The following ABCC2 variants were observed in gnomAD, a reference collection of about 807,000 sequenced individuals.
ABCC2 encodes the protein ATP-binding cassette sub-family C member 2.
Under a neutral mutation model 173.4 loss-of-function variants are expected in ABCC2, and 157 were observed. The observed-to-expected ratio is 0.91, with a 90% CI of 0.80 to 1.03. ABCC2 has a LOEUF of 1.03. ABCC2 is among the 50% of genes least tolerant of loss of function. ABCC2 has a pLI of 0.00. For missense variants in ABCC2, 1,822 were observed against 1,852.3 expected, an observed-to-expected ratio of 0.98 and a Z score of 0.30; for synonymous variants, 657 against 693.5, an observed-to-expected ratio of 0.95 and a Z score of 0.83.
chr10:99,799,453 T>A, intron 8 of ABCC2, 83 bp downstream of exon 8: 1 of 1,485,884 alleles, frequency 6.7e-7, no homozygotes, highest in Non-Finnish European at 9.3e-7. Flanking sequence ...AGCAGGAGCT[T>A]TTCTTAAATT....
At position 99,851,820 on chromosome 10, in the gene ABCC2, G is replaced by T. The variant is rs1236636863; in HGVS notation, c.*189G>T. Reference sequence around the variant, plus strand: ...TCACCAGGTACTTGAGAAACCCCTCGATTGTCTACCTCGATCGTACTTCCT... The same window carrying T: ...TCACCAGGTACTTGAGAAACCCCTCTATTGTCTACCTCGATCGTACTTCCT... On this transcript the variant is annotated 3_prime_UTR_variant, in exon 32 of 32. Transcript: ENST00000647814. The T allele has an allele frequency of 1.3e-5, 7 of 541,660 alleles. No individual in the cohort carries two copies. In the East Asian group the frequency reaches 1.3e-4, roughly 10 times the overall value. 33.6% of individuals were successfully genotyped at this position (541,660 alleles called of 1,614,324 possible). A position where few individuals can be genotyped will look rare whatever the true frequency, so the allele number is the denominator to read the frequency against.
At chr10:99,814,497 ATATGTGTGTG>A (rs2038330121) in intron 16 of ABCC2, among the ~76,000 whole-genome samples, 2 of 116,286 alleles carry the variant, frequency 1.7e-5, no homozygotes, top group African/African-American at 6.1e-5. Flanking sequence ...ACACAAACAT[ATATGTGTGTG>A]TATGTGTATA....
chr10:99,810,980 C>T (rs950920277), intron 14 of ABCC2, among the ~76,000 whole-genome samples: 9 of 151,452 alleles, frequency 5.9e-5, no homozygotes, highest in East Asian at 1.9e-4. Flanking sequence ...GCTGAGATTG[C>T]GCCATTGCAC....
intron 1 of ABCC2, among the ~76,000 whole-genome samples, chr10:99,783,825 T>C (rs1307092551): frequency 6.6e-6 from 1 of 152,158 alleles, no homozygotes; most frequent in Non-Finnish European, 1.5e-5. Context: ...AGGCCATCTC[T>C]TGAGAATTCT....
intron 6 of ABCC2, among the ~76,000 whole-genome samples, chr10:99,795,751 G>GA (rs1299825293): frequency 9.2e-6 from 1 of 108,906 alleles, no homozygotes; most frequent in Non-Finnish European, 1.9e-5. Context: ...AAGAAAGAAA[G>GA]AAAGAAAGAA....
Position 99,793,848 on chromosome 10 carries a change from T to C in ABCC2, c.469-44T>C, listed in dbSNP as rs772130569. 3.8e-6 allele frequency: 6 copies of C among 1,587,168 alleles called. No individual in the cohort carries two copies. In the Admixed American group the frequency reaches 6.7e-5, roughly 18 times the overall value. ...TATATACGGGCCATGTAGACTTCCT[T>C]TGGACAAAAGGCTCATTTTTCCTCT... On this transcript the variant is annotated intron_variant, in intron 4 of 31. Coordinates refer to ENST00000647814, the MANE Select transcript of ABCC2 (RefSeq NM_000392.5).
intron 16 of ABCC2, among the ~76,000 whole-genome samples, chr10:99,815,992 G>A (rs1287838117): frequency 3.4e-5 from 5 of 145,172 alleles, no homozygotes; most frequent in African/African-American, 1.0e-4. Flanking sequence ...TTTTTGAGAC[G>A]GAGTCTCAGT....
chr10:99,792,394 T>G, intron 3 of ABCC2, 35 bp downstream of exon 3: 1 of 1,611,746 alleles, frequency 6.2e-7, no homozygotes, highest in Non-Finnish European at 8.5e-7. Flanking sequence ...TGTTTACCTT[T>G]TCATTACCCA....
chr10:99,789,197 G>C (rs537517657), intron 2 of ABCC2: 1 of 152,088 alleles, frequency 6.6e-6, no homozygotes, highest in Non-Finnish European at 1.5e-5. Context: ...TTTTACTCTG[G>C]GACTAGTGGA....
chr10:99,815,000 G>T (rs2038381316), intron 16 of ABCC2, among the ~76,000 whole-genome samples: 2 of 150,784 alleles, frequency 1.3e-5, no homozygotes, highest in Non-Finnish European at 3.0e-5. Flanking sequence ...TAAGTTCCAG[G>T]ATACATTTGC....
At chr10:99,830,669 G>A (rs767053153) in intron 20 of ABCC2, 47 bp from the exon 21 acceptor site, 5 of 1,613,538 alleles carry the variant, frequency 3.1e-6, no homozygotes, top group East Asian at 4.5e-5. Flanking sequence ...CTTGCAAGAA[G>A]ACCCTTGGGA....
chr10:99,836,966 G>C (rs1401923437), intron 25 of ABCC2, among the ~76,000 whole-genome samples: 1 of 151,942 alleles, frequency 6.6e-6, no homozygotes, highest in East Asian at 1.9e-4. Flanking sequence ...AATGTGGACA[G>C]GTCAGGAGTT....
chr10:99,812,796 T>C (rs1014716419), intron 15 of ABCC2, among the ~76,000 whole-genome samples: 1 of 152,204 alleles, frequency 6.6e-6, no homozygotes, highest in Non-Finnish European at 1.5e-5. Context: ...TTGGATAAAT[T>C]AGGGCTCATT....
intron 16 of ABCC2, among the ~76,000 whole-genome samples, chr10:99,814,971 CT>C (rs201601175): frequency 4.7e-3 from 670 of 142,446 alleles, no homozygotes; most frequent in Middle Eastern, 0.011. Flanking sequence ...GCCCCACTAA[CT>C]TTTTTTTTTT....
At chr10:99,812,612 T>C (rs2038235468) in intron 15 of ABCC2, among the ~76,000 whole-genome samples, 1 of 152,182 alleles carries the variant, frequency 6.6e-6, no homozygotes, top group African/African-American at 2.4e-5. Context: ...GGGTCCTTAG[T>C]CCAAAGGAAG....
At chr10:99,844,819 A>G (rs1410276706) in intron 28 of ABCC2, among the ~76,000 whole-genome samples, 1 of 152,062 alleles carries the variant, frequency 6.6e-6, no homozygotes, top group African/African-American at 2.4e-5. Flanking sequence ...AGCAGTGTGG[A>G]GGTTGTCCCT....
Position 99,784,766 on chromosome 10 carries a change from C to T in ABCC2, c.192C>T (p.Leu64=), listed in dbSNP as rs1246731783. 1.2e-6 allele frequency: 2 copies of T among 1,614,014 alleles called. No homozygotes were observed. Among genetic ancestry groups the T allele is most frequent in the African/African-American group, 1.3e-5 (1 of 74,918 alleles). Residue 64 remains leucine, a synonymous_variant, in exon 2 of 32, where the codon CTC becomes CTT. Coordinates refer to ENST00000647814, the MANE Select transcript of ABCC2 (RefSeq NM_000392.5). ...SRTKRSSTTK[L]YLAKQVFVGF... is the part of the protein sequence containing the mutation. ...CCAAGAGATCCTCTACCACCAAACT[C>T]TATCTTGCTAAGCAGGTAAAGTTAA...
intron 7 of ABCC2, among the ~76,000 whole-genome samples, chr10:99,798,400 C>T (rs2037958025): frequency 6.6e-6 from 1 of 152,082 alleles, no homozygotes; most frequent in Non-Finnish European, 1.5e-5. Flanking sequence ...GTGACTGAGT[C>T]GTAATGCCCC....
At position 99,818,375 on chromosome 10, in the gene ABCC2, A is replaced by G. The variant is rs541411083; in HGVS notation, c.2272-415A>G. Among the ~76,000 whole-genome samples the G allele has an allele frequency of 1.9e-4, 29 of 152,348 alleles. 1 individual carries two copies. In the East Asian group the frequency reaches 5.6e-3, roughly 29 times the overall value. On this transcript the variant is annotated intron_variant, in intron 17 of 31. Transcript: ENST00000647814. ...AATAAATGTAGCAATCTTGGGGAAC[A>G]AAAATCTTGAGATGTTAGAAGATTA...
Sources: gnomAD v4.1 joint callset for allele counts (sites outside exome capture counted in the v4.1 genomes callset) on GRCh38, gnomAD v4.1.1 for gene constraint, MANE v1.5 for transcripts, NCBI Gene and HGNC (gene_info 2026-07-23, HGNC 2026-07-21) for gene names.